ZBTB7C: variants seen among roughly 807,000 people sequenced by gnomAD.
ZBTB7C encodes the protein zinc finger and BTB domain-containing protein 7C.
A neutral mutation model predicts 25.7 loss-of-function variants in ZBTB7C; 8 were observed. The ratio of observed to expected loss-of-function variants is 0.31; its 90% confidence interval spans 0.18 to 0.56. The LOEUF (loss-of-function observed/expected upper bound fraction) is 0.56. Ranked by LOEUF, ZBTB7C falls within the 20% of genes least tolerant of loss-of-function variation. The pLI, the probability that ZBTB7C is intolerant of heterozygous loss-of-function variation, is 0.91. For missense variants in ZBTB7C, 824 were observed against 855.2 expected (o/e 0.96, Z 0.46); for synonymous variants, 394 against 369.0 (o/e 1.07, Z -0.78).
At chr18:48,071,866 G>A (rs2037555579) in intron 3 of ZBTB7C, among the ~76,000 whole-genome samples, 1 of 152,202 alleles carries the variant, frequency 6.6e-6, no homozygotes, top group Admixed American at 6.5e-5. Flanking sequence ...AGGATATCAG[G>A]TTAAGCGAAA....
At chr18:48,297,479 G>C (rs982132041) in intron 2 of ZBTB7C, among the ~76,000 whole-genome samples, 7 of 151,916 alleles carry the variant, frequency 4.6e-5, no homozygotes, top group African/African-American at 1.7e-4. Context: ...TTTTCTACTT[G>C]TCCCTCTCTC....
intron 3 of ZBTB7C, chr18:48,150,652 T>C (rs2040648633): frequency 6.7e-6 from 1 of 149,894 alleles, no homozygotes; most frequent in Non-Finnish European, 1.5e-5. Flanking sequence ...GTTAAGCTAA[T>C]AGGGGTAAAA....
chr18:48,180,889 T>C (rs2145099478), intron 3 of ZBTB7C, among the ~76,000 whole-genome samples: 1 of 152,358 alleles, frequency 6.6e-6, no homozygotes, highest in South Asian at 2.1e-4. Flanking sequence ...AACTGTTACT[T>C]AGTCTTGATG....
chr18:48,230,110 T>G (rs769803349), intron 2 of ZBTB7C, among the ~76,000 whole-genome samples: 2 of 152,218 alleles, frequency 1.3e-5, no homozygotes, highest in Non-Finnish European at 2.9e-5. Context: ...TTAAAATCAT[T>G]AATGTTTCTT....
At chr18:48,168,900 G>A (rs1356864027) in intron 3 of ZBTB7C, among the ~76,000 whole-genome samples, 1 of 152,182 alleles carries the variant, frequency 6.6e-6, no homozygotes, top group Non-Finnish European at 1.5e-5. Context: ...CACCTCTCTG[G>A]AAGATTAGAA....
chr18:48,297,836 C>A (rs2045437918), intron 2 of ZBTB7C, among the ~76,000 whole-genome samples: 4 of 152,178 alleles, frequency 2.6e-5, no homozygotes. Flanking sequence ...TTGGGTCAGG[C>A]TTTTTGCTGC....
At chr18:48,092,252 C>CATT (rs1346361320) in intron 3 of ZBTB7C, among the ~76,000 whole-genome samples, 17 of 152,188 alleles carry the variant, frequency 1.1e-4, no homozygotes, top group Admixed American at 1.0e-3. Context: ...ATGAACTTAA[C>CATT]ACGTTGTGAA....
In ZBTB7C at chr18:48,040,660, C is replaced by T. The variant is rs2036194513; in HGVS notation, c.448G>A (p.Asp150Asn). 1 of 1,613,692 alleles carries T rather than the reference C, an allele frequency of 6.2e-7. No homozygotes were observed. The highest frequency in any genetic ancestry group is 8.5e-7 in the Non-Finnish European group (1 of 1,179,802). Residue 150 changes from aspartate to asparagine, a missense_variant, in exon 4 of 5, where the codon GAT (aspartate) becomes AAT (asparagine). Transcript: ENST00000590800. ...EDDDDDEDDD[D>N]EEDEEEEEEE... The stretch of plus-strand genomic sequence containing the variant: ...TCCTCCTCCTCTTCGTCCTCCTCAT[C>T]ATCATCATCTTCGTCGTCGTCATCG...
At position 48,243,270 on chromosome 18, in the gene ZBTB7C, C is replaced by CAA. The variant is rs57410285; in HGVS notation, c.-78-57277_-78-57276dup. ...CAGAGCAAGACTCTCTACCCCCCCA[C>CAA]AAAAAAAAAAAAAAAAAAAAGCTCC... On this transcript the variant is annotated intron_variant, in intron 2 of 4. Transcript: ENST00000590800. 5.6e-3 allele frequency among the ~76,000 whole-genome samples: 491 copies of CAA among 88,256 alleles called. 16 individuals carry two copies. Among genetic ancestry groups the CAA allele is most frequent in the East Asian group, 0.014 (37 of 2,740 alleles). The allele number at this position is 88,256 out of a possible 152,430, so 57.9% of individuals were successfully genotyped here.
intron 3 of ZBTB7C, among the ~76,000 whole-genome samples, chr18:48,066,403 T>C (rs2037331669): frequency 6.6e-6 from 1 of 152,232 alleles, no homozygotes; most frequent in South Asian, 2.1e-4. Flanking sequence ...CTATTATAAC[T>C]GGGCTTTGAT....
At chr18:48,376,206 G>A (rs1198194304) in intron 1 of ZBTB7C, among the ~76,000 whole-genome samples, 1 of 152,204 alleles carries the variant, frequency 6.6e-6, no homozygotes, top group Non-Finnish European at 1.5e-5. Context: ...TGTTGTGACT[G>A]ACACTTGTTT....
intron 3 of ZBTB7C, among the ~76,000 whole-genome samples, chr18:48,180,676 C>G (rs1438905944): frequency 6.6e-6 from 1 of 152,172 alleles, no homozygotes; most frequent in Non-Finnish European, 1.5e-5. Context: ...GTATATACAG[C>G]TAGCAACACT....
intron 3 of ZBTB7C, among the ~76,000 whole-genome samples, chr18:48,133,950 G>A (rs1467547370): frequency 1.3e-5 from 2 of 152,148 alleles, no homozygotes; most frequent in African/African-American, 2.4e-5. Context: ...CTGTGTAATT[G>A]CTGTAAACAC....
At chr18:48,377,997 C>T (rs1314488901) in intron 1 of ZBTB7C, among the ~76,000 whole-genome samples, 1 of 152,080 alleles carries the variant, frequency 6.6e-6, no homozygotes, top group Non-Finnish European at 1.5e-5. Context: ...ACTAAAAATA[C>T]AAAATTAGCC....
At chr18:48,095,003 C>A (rs530619289) in intron 3 of ZBTB7C, among the ~76,000 whole-genome samples, 1 of 152,282 alleles carries the variant, frequency 6.6e-6, no homozygotes, top group East Asian at 1.9e-4. Flanking sequence ...ACTTTTCAAC[C>A]TGGCAAGGCA....
At chr18:48,348,579 G>A (rs1446444811) in intron 1 of ZBTB7C, among the ~76,000 whole-genome samples, 1 of 152,242 alleles carries the variant, frequency 6.6e-6, no homozygotes, top group Non-Finnish European at 1.5e-5. Flanking sequence ...CACTTTGGGA[G>A]GCCAAGGTGG....
intron 3 of ZBTB7C, among the ~76,000 whole-genome samples, chr18:48,184,472 G>A (rs1463578341): frequency 6.6e-6 from 1 of 152,118 alleles, no homozygotes; most frequent in African/African-American, 2.4e-5. Flanking sequence ...TGGGAATACT[G>A]GATAGAGCCT....
chr18:48,232,112 G>C (rs753947970), intron 2 of ZBTB7C, among the ~76,000 whole-genome samples: 1 of 152,206 alleles, frequency 6.6e-6, no homozygotes, highest in South Asian at 2.1e-4. Context: ...TGGGCAAAAC[G>C]AGCCCAGGAG....
chr18:48,361,304 C>A (rs891673499), intron 1 of ZBTB7C, among the ~76,000 whole-genome samples: 33 of 152,126 alleles, frequency 2.2e-4, no homozygotes, highest in African/African-American at 8.0e-4. Context: ...TCACAATGAT[C>A]CTATAAGACA....
Sources: allele counts gnomAD v4.1 joint callset (sites outside exome capture counted in the v4.1 genomes callset), GRCh38; gene constraint gnomAD v4.1.1; transcripts MANE v1.5; gene names NCBI Gene and HGNC (gene_info 2026-07-23, HGNC 2026-07-21).